The following PATJ variants were observed in gnomAD, a reference collection of about 807,000 sequenced individuals.
PATJ encodes inaD-like protein.
Under a neutral mutation model 224.9 loss-of-function variants are expected in PATJ, and 190 were observed. The ratio of observed to expected loss-of-function variants is 0.84; its 90% CI spans 0.75 to 0.95. PATJ has a LOEUF of 0.95. Among genes scored for constraint, PATJ ranks in the 40% least tolerant of loss-of-function variants. PATJ has a pLI of 0.00. For synonymous variants in PATJ, 769 were observed against 820.3 expected, an observed-to-expected ratio of 0.94 and a Z score of 1.07; for missense variants, 2,121 against 2,270.3, an observed-to-expected ratio of 0.93 and a Z score of 1.34.
chr1:62,134,144 G>A (rs1020556731), intron 41 of PATJ, among the ~76,000 whole-genome samples: 1 of 150,990 alleles, frequency 6.6e-6, no homozygotes, highest in South Asian at 2.1e-4. Context: ...ATTTAGGGAT[G>A]AAAAAGGTCT....
intron 27 of PATJ, among the ~76,000 whole-genome samples, chr1:61,941,174 T>A (rs1187589800): frequency 6.6e-6 from 1 of 152,158 alleles, no homozygotes; most frequent in Non-Finnish European, 1.5e-5. Flanking sequence ...TTGAGAAAAG[T>A]TAATGGTTCA....
At chr1:62,030,755 G>A (rs1649097002) in intron 29 of PATJ, among the ~76,000 whole-genome samples, 3 of 152,126 alleles carry the variant, frequency 2.0e-5, no homozygotes, top group Admixed American at 2.0e-4. Flanking sequence ...TAAACTTAAT[G>A]TAAATAGAAT....
chr1:62,050,095 G>A (rs1297668970), intron 30 of PATJ, among the ~76,000 whole-genome samples: 2 of 134,294 alleles, frequency 1.5e-5, no homozygotes, highest in Admixed American at 8.4e-5. Flanking sequence ...CAGCCTTGGC[G>A]ATAGAGTGAG....
At chr1:62,078,346 G>A (rs912468272) in intron 31 of PATJ, among the ~76,000 whole-genome samples, 5 of 152,208 alleles carry the variant, frequency 3.3e-5, no homozygotes, top group East Asian at 3.9e-4. Flanking sequence ...GCAATGGCAC[G>A]GTCTCAGCTC....
rs146825851 is a variant in PATJ at position 62,154,041 on chromosome 1, G to A, written c.5502+560G>A. 1.3e-3 allele frequency among the ~76,000 whole-genome samples: 191 copies of A among 152,146 alleles called. 5 individuals carry two copies. The East Asian group carries it at 0.028, about 23-fold the overall frequency. ...TGCCTCAGTAGCTAGGACTACAGGCGCATGCCACCACGCCTGGCTAATTTT... is the reference window on the plus strand; with the variant it reads ...TGCCTCAGTAGCTAGGACTACAGGCACATGCCACCACGCCTGGCTAATTTT... On this transcript the variant is annotated intron_variant, in intron 43 of 43. Transcript: ENST00000642238.
chr1:61,949,670 G>A (rs1679322629), intron 27 of PATJ, among the ~76,000 whole-genome samples: 1 of 152,206 alleles, frequency 6.6e-6, no homozygotes, highest in Admixed American at 6.5e-5. Flanking sequence ...ACTTTGGGAG[G>A]CCAAGGCAGG....
intron 3 of PATJ, among the ~76,000 whole-genome samples, chr1:61,764,274 G>A (rs1646138938): frequency 6.6e-6 from 1 of 152,146 alleles, no homozygotes; most frequent in Admixed American, 6.5e-5. Flanking sequence ...TTCCTTGGAA[G>A]CAGAATACCT....
At position 61,769,291 on chromosome 1, in the gene PATJ, A is replaced by G; in HGVS notation, c.393A>G (p.Gln131=). The G allele has an allele frequency of 6.2e-7, 1 of 1,603,950 alleles. No individual in the cohort carries two copies. The highest frequency in any genetic ancestry group is 1.1e-5 in the South Asian group (1 of 88,332). The part of the protein sequence containing the change: ...SVIQQMAQGR[Q]IEYIDIERPS... Reference sequence around the variant, plus strand: ...TAACGCTCCTTCATTAGGGCCGGCAAATTGAATATATAGATATAGAACGGC... The same window carrying G: ...TAACGCTCCTTCATTAGGGCCGGCAGATTGAATATATAGATATAGAACGGC... The change falls in exon 5 of 44, where the codon CAA becomes CAG. Residue 131 remains glutamine (Q), a synonymous_variant. Transcript: ENST00000642238.
At chr1:61,826,624 G>A (rs995928727) in intron 15 of PATJ, among the ~76,000 whole-genome samples, 2 of 152,074 alleles carry the variant, frequency 1.3e-5, no homozygotes, top group African/African-American at 4.8e-5. Context: ...TTGGAGCCAA[G>A]TATTATTATT....
chr1:61,805,492 G>A lies in PATJ; in HGVS notation c.1594G>A (p.Glu532Lys), dbSNP rs1490845603. 6.2e-7 allele frequency: 1 copy of A among 1,606,756 alleles called. No homozygotes were observed. The highest frequency in any genetic ancestry group is 1.7e-5 in the Admixed American group (1 of 59,936). The part of the protein sequence containing the change: ...SPENELKSRW[E>K]NLLGPDYEVM... ...AGAAAATGAGCTGAAATCCAGATGG[G>A]AAAACCTGTTGGGTCCTGATTATGA... Residue 532 changes from glutamate to lysine, a missense_variant, in exon 13 of 44, where the codon GAA (glutamate) becomes AAA (lysine). Physicochemically the swap from Glu to Lys is moderately conservative, Grantham distance 56 (BLOSUM62 1). Transcript: ENST00000642238.
At chr1:61,896,417 A>G (rs1001240138) in intron 22 of PATJ, among the ~76,000 whole-genome samples, 2 of 152,138 alleles carry the variant, frequency 1.3e-5, no homozygotes, top group Admixed American at 1.3e-4. Flanking sequence ...CATTTACCCA[A>G]TGCCTGTACC....
At chr1:62,019,529 A>AT (rs61061536) in intron 29 of PATJ, among the ~76,000 whole-genome samples, 12 of 151,902 alleles carry the variant, frequency 7.9e-5, no homozygotes, top group African/African-American at 2.9e-4. Flanking sequence ...AAAAAAAAAA[A>AT]GGAAATCCTA....
intron 41 of PATJ, among the ~76,000 whole-genome samples, chr1:62,131,319 C>CT (rs560591935): frequency 3.3e-4 from 51 of 152,264 alleles, no homozygotes; most frequent in Non-Finnish European, 6.2e-4. Flanking sequence ...TACAGTGCAG[C>CT]TCTTCAGTGC....
chr1:62,151,864 T>G (rs1668673036), intron 42 of PATJ, among the ~76,000 whole-genome samples: 1 of 152,194 alleles, frequency 6.6e-6, no homozygotes, highest in Admixed American at 6.5e-5. Context: ...CATTTGGGAA[T>G]AAGAAATTGG....
intron 22 of PATJ, among the ~76,000 whole-genome samples, chr1:61,893,677 C>G (rs1018869736): frequency 6.6e-6 from 1 of 151,564 alleles, no homozygotes; most frequent in Non-Finnish European, 1.5e-5. Context: ...TAGTGCATGC[C>G]TGTGGTCCCA....
chr1:61,877,068 G>T (rs1196465956), intron 21 of PATJ, among the ~76,000 whole-genome samples: 2 of 152,090 alleles, frequency 1.3e-5, no homozygotes, highest in East Asian at 3.9e-4. Flanking sequence ...AATCCAAATT[G>T]ATTTTGTGTT....
chr1:62,103,824 T>C (rs2148847023), intron 33 of PATJ, among the ~76,000 whole-genome samples: 1 of 151,834 alleles, frequency 6.6e-6, no homozygotes, highest in South Asian at 2.1e-4. Flanking sequence ...AAAGCCTTAT[T>C]GGTAGATAAT....
intron 11 of PATJ, among the ~76,000 whole-genome samples, chr1:61,798,923 A>T (rs1651897777): frequency 6.6e-6 from 1 of 152,026 alleles, no homozygotes; most frequent in Non-Finnish European, 1.5e-5. Context: ...ATAACTAGGG[A>T]GTAAGAAATA....
At chr1:61,843,629 G>A (rs763654580) in intron 17 of PATJ, among the ~76,000 whole-genome samples, 1 of 151,648 alleles carries the variant, frequency 6.6e-6, no homozygotes, top group African/African-American at 2.4e-5. Flanking sequence ...CCAGCTACTC[G>A]GGAGGCTTGA....
Sources: gnomAD v4.1 joint callset for allele counts (sites outside exome capture counted in the v4.1 genomes callset) on GRCh38, gnomAD v4.1.1 for gene constraint, MANE v1.5 for transcripts, NCBI Gene and HGNC (gene_info 2026-07-23, HGNC 2026-07-21) for gene names.